LARGE1: variants seen among roughly 807,000 people sequenced by gnomAD.
The protein encoded by LARGE1 is xylosyl- and glucuronyltransferase LARGE1.
A neutral mutation model predicts 87.6 loss-of-function variants in LARGE1; 43 were observed. The observed-to-expected ratio is 0.49, with a 90% CI of 0.38 to 0.63. The LOEUF is 0.63. Among genes scored for constraint, LARGE1 ranks in the 30% least tolerant of loss-of-function variants. The pLI is 0.00. For missense variants in LARGE1, 802 were observed against 1,000.2 expected, an observed-to-expected ratio of 0.80 and a Z score of 2.67; for synonymous variants, 434 against 394.6, an observed-to-expected ratio of 1.10 and a Z score of -1.18.
At chr22:33,120,420 T>C in the LARGE1 span, among the ~76,000 whole-genome samples, 3 of 129,680 alleles carry the variant, frequency 2.3e-5, no homozygotes, top group African/African-American at 6.1e-5. Context: ...CCTTCTTTCT[T>C]TCTTTCTCTC....
At chr22:33,871,994 AAAAAG>A (rs1322143706) in intron 1 of LARGE1, among the ~76,000 whole-genome samples, 3 of 151,538 alleles carry the variant, frequency 2.0e-5, no homozygotes, top group South Asian at 2.1e-4. Flanking sequence ...AAAAAAAAAA[AAAAAG>A]AAAAGAAAAC....
At chr22:33,412,482 G>A (rs2066338822) in intron 7 of LARGE1, among the ~76,000 whole-genome samples, 2 of 151,958 alleles carry the variant, frequency 1.3e-5, no homozygotes, top group African/African-American at 2.4e-5. Context: ...TGTGCAGCAC[G>A]ACCCCACTGC....
chr22:33,516,108 G>A (rs1264256012), intron 6 of LARGE1, among the ~76,000 whole-genome samples: 1 of 152,222 alleles, frequency 6.6e-6, no homozygotes, highest in African/African-American at 2.4e-5. Flanking sequence ...TGTGAGGGAT[G>A]CTGTTTGAGA....
At chr22:33,521,170 TA>T (rs1202526174) in intron 6 of LARGE1, among the ~76,000 whole-genome samples, 1 of 152,242 alleles carries the variant, frequency 6.6e-6, no homozygotes, top group Non-Finnish European at 1.5e-5. Context: ...ACGTGGTTCT[TA>T]AAAAGTTTCT....
At chr22:33,104,956 T>G in the LARGE1 span, among the ~76,000 whole-genome samples, 1 of 147,240 alleles carries the variant, frequency 6.8e-6, no homozygotes, top group Non-Finnish European at 1.5e-5. Context: ...TCTCTTTCTC[T>G]CTTTCTCTCT....
chr22:33,300,363 AT>A (rs1933982071), intron 12 of LARGE1, among the ~76,000 whole-genome samples: 1 of 152,202 alleles, frequency 6.6e-6, no homozygotes, highest in African/African-American at 2.4e-5. Flanking sequence ...AACTGTCATC[AT>A]TCTTAAGTAA....
chr22:33,102,898 G>T, the LARGE1 span, among the ~76,000 whole-genome samples: 1 of 152,070 alleles, frequency 6.6e-6, no homozygotes, highest in Non-Finnish European at 1.5e-5. Context: ...GTGGAAATCT[G>T]CCCATTTCCT....
At chr22:33,377,863 A>G (rs1343687478) in intron 9 of LARGE1, among the ~76,000 whole-genome samples, 1 of 152,174 alleles carries the variant, frequency 6.6e-6, no homozygotes, top group African/African-American at 2.4e-5. Context: ...ATTTAATTTC[A>G]ATAATCATAT....
At chr22:33,257,681 C>T (rs552066895) in intron 11 of LARGE1, among the ~76,000 whole-genome samples, 44 of 152,110 alleles carry the variant, frequency 2.9e-4, no homozygotes, top group African/African-American at 1.0e-3. Flanking sequence ...ATGTTAGGGA[C>T]GAGGAAGAGG....
At chr22:33,415,653 G>T (rs983868157) in intron 7 of LARGE1, among the ~76,000 whole-genome samples, 3 of 152,168 alleles carry the variant, frequency 2.0e-5, no homozygotes, top group Admixed American at 6.5e-5. Context: ...GCCTTGCTAG[G>T]GTACTGCAGA....
At chr22:33,457,116 A>G (rs909500049) in intron 6 of LARGE1, among the ~76,000 whole-genome samples, 3 of 151,966 alleles carry the variant, frequency 2.0e-5, no homozygotes, top group African/African-American at 7.2e-5. Flanking sequence ...ACTTTTCTGA[A>G]CATAATTTTT....
At chr22:33,093,944 T>A in the LARGE1 span, among the ~76,000 whole-genome samples, 2 of 146,164 alleles carry the variant, frequency 1.4e-5, no homozygotes, top group Non-Finnish European at 3.0e-5. Flanking sequence ...TTCTCCTACC[T>A]CAGCCTCCTG....
intron 1 of LARGE1, among the ~76,000 whole-genome samples, chr22:33,851,321 T>C (rs2063577120): frequency 6.6e-6 from 1 of 152,164 alleles, no homozygotes; most frequent in African/African-American, 2.4e-5. Context: ...CTAGCTACCT[T>C]CTCTCTACCG....
In LARGE1 at chr22:33,789,703, G is replaced by A. The variant is rs748000590; in HGVS notation, c.-82-28145C>T. 1.1e-4 allele frequency among the ~76,000 whole-genome samples: 16 copies of A among 152,296 alleles called. No individual in the cohort carries two copies. In the South Asian group the frequency reaches 1.7e-3, roughly 16 times the overall value. ...ACATGGAATCAAAGGAAATCACTTC[G>A]GAGCTTTAAGATTTAACTGCCCCAT... On this transcript the variant is annotated intron_variant, in intron 1 of 14. Transcript: ENST00000397394.
chr22:33,572,072 T>C, intron 5 of LARGE1: 3 of 519,048 alleles, frequency 5.8e-6, no homozygotes, highest in Non-Finnish European at 1.1e-5. Flanking sequence ...TCCTAAGGCG[T>C]TACTATATAT....
chr22:33,271,224 T>C (rs1928226447), downstream of LARGE1, among the ~76,000 whole-genome samples: 1 of 152,214 alleles, frequency 6.6e-6, no homozygotes, highest in South Asian at 2.1e-4. Flanking sequence ...CTGTCACTGT[T>C]TCATATCTGT....
intron 10 of LARGE1, among the ~76,000 whole-genome samples, chr22:33,319,217 G>A (rs1192128118): frequency 1.3e-5 from 2 of 152,128 alleles, no homozygotes; most frequent in Admixed American, 6.5e-5. Context: ...AAAAGCAGGG[G>A]AAGTAATATT....
chr22:33,072,870 C>T, the LARGE1 span, among the ~76,000 whole-genome samples: 64 of 152,296 alleles, frequency 4.2e-4, no homozygotes, highest in African/African-American at 1.5e-3. Context: ...GAAGGTTGTT[C>T]GTAGTCCTGG....
At chr22:33,307,370 C>T (rs1935047192) in intron 11 of LARGE1, among the ~76,000 whole-genome samples, 1 of 152,198 alleles carries the variant, frequency 6.6e-6, no homozygotes, top group African/African-American at 2.4e-5. Flanking sequence ...GGATCCAGGT[C>T]ATTATTTACT....
Sources: gnomAD v4.1 joint callset for allele counts (sites outside exome capture counted in the v4.1 genomes callset) on GRCh38, gnomAD v4.1.1 for gene constraint, MANE v1.5 for transcripts, NCBI Gene and HGNC (gene_info 2026-07-23, HGNC 2026-07-21) for gene names.